The following ACVR2B variants were observed in gnomAD, a reference collection of about 807,000 sequenced individuals.
ACVR2B encodes the protein activin A receptor type 2B, also known as activin receptor type-2B.
ACVR2B carries 18 observed loss-of-function variants against 65.1 expected under a neutral mutation model. The observed-to-expected ratio is 0.28, with a 90% CI of 0.19 to 0.41. The LOEUF is 0.41. Ranked by LOEUF, ACVR2B falls within the 10% of genes least tolerant of loss-of-function variation. The pLI is 1.00. For synonymous variants in ACVR2B, 298 were observed against 277.7 expected (o/e 1.07, Z -0.73); for missense variants, 482 against 682.7 (o/e 0.71, Z 3.28).
At position 38,492,786 on chromosome 3, in the gene ACVR2B, A is replaced by C. The variant is rs1186907984; in HGVS notation, c.*9454A>C. Reference sequence around the variant, plus strand: ...CACACACACACACACACACACACACACACACACACACACACACATACACCT... The same window carrying C: ...CACACACACACACACACACACACACCCACACACACACACACACATACACCT... On this transcript the variant is annotated 3_prime_UTR_variant, in exon 11 of 11. Coordinates refer to ENST00000352511, the MANE Select transcript of ACVR2B (RefSeq NM_001106.4). The C allele has an allele frequency of 1.0e-5, 1 of 96,488 alleles. No homozygotes were observed. Among genetic ancestry groups the C allele is most frequent in the Non-Finnish European group, 2.1e-5 (1 of 47,168 alleles). 6.0% of individuals were successfully genotyped at this position (96,488 alleles called of 1,614,324 possible).
rs553358455 is a variant in ACVR2B, at chr3:38,492,353, A to G, written c.*9021A>G. 3 of 152,740 alleles carry G rather than the reference A, an allele frequency of 2.0e-5. No homozygotes were observed. Among genetic ancestry groups the G allele is most frequent in the Admixed American group, 2.0e-4 (3 of 15,300 alleles). The allele number at this position is 152,740 out of a possible 1,614,324, so 9.5% of individuals were successfully genotyped here. ...AACTTGTATATAAAAATTGTAATTA[A>G]AAGTTTGGGTTCACCTGTTTCTCAC... On this transcript the variant is annotated 3_prime_UTR_variant, in exon 11 of 11. Transcript: ENST00000352511.
Position 38,479,793 on chromosome 3 carries a change from G to A in ACVR2B, c.926G>A (p.Arg309His), listed in dbSNP as rs138692827. 32 of 1,614,244 alleles carry A rather than the reference G, an allele frequency of 2.0e-5. No individual in the cohort carries two copies. The African/African-American group carries it at 2.5e-4, about 13-fold the overall frequency. ...SYLHEDVPWC[R>H]GEGHKPSIAH... ...CTGCATGAGGATGTGCCCTGGTGCC[G>A]TGGCGAGGGCCACAAGCCGTCTATT... Residue 309 changes from arginine (R) to histidine (H), a missense_variant, in exon 7 of 11, where the codon CGT (arginine) becomes CAT (histidine). Physicochemically the swap from Arg to His is conservative, Grantham distance 29 (BLOSUM62 0). Around this residue, in one of 5 missense-constraint regions of ACVR2B, gnomAD observed 223 missense variants for 386.3 expected, o/e 0.58. Transcript: ENST00000352511.
Position 38,477,087 on chromosome 3 carries a change from G to T in ACVR2B, c.53-200G>T. The T allele has an allele frequency of 1.6e-6, 1 of 620,798 alleles. No individual in the cohort carries two copies. Among genetic ancestry groups the T allele is most frequent in the Non-Finnish European group, 2.8e-6 (1 of 351,632 alleles). The allele number at this position is 620,798 out of a possible 1,614,324, so 38.5% of individuals were successfully genotyped here. A position where few individuals can be genotyped will look rare whatever the true frequency, so the allele number is the denominator to read the frequency against. On this transcript the variant is annotated intron_variant, in intron 1 of 10. Coordinates refer to ENST00000352511, the MANE Select transcript of ACVR2B (RefSeq NM_001106.4). The surrounding 1 kb of genome is among the most constrained non-coding windows in gnomAD (Gnocchi z 6.7). ...GGGCTGCAGAATGAGGTGGGGGCTG[G>T]TGCCAGCTGGCACACGTAAATTAAG...
In ACVR2B at chr3:38,486,401, G is replaced by C. The variant is rs1290198478; in HGVS notation, c.*3069G>C. 6.6e-6 allele frequency: 1 copy of C among 152,262 alleles called. No individual in the cohort carries two copies. The highest frequency in any genetic ancestry group is 6.5e-5 in the Admixed American group (1 of 15,280). The allele number at this position is 152,262 out of a possible 1,614,324, so 9.4% of individuals were successfully genotyped here. A position where few individuals can be genotyped will look rare whatever the true frequency, so the allele number is the denominator to read the frequency against. ...GGCATGGGTCTAGGAGCACAGATGG[G>C]CCTTTTGCCCCGGGTAAATGCTTGT... On this transcript the variant is annotated 3_prime_UTR_variant, in exon 11 of 11. Coordinates refer to ENST00000352511, the MANE Select transcript of ACVR2B (RefSeq NM_001106.4).
Position 38,478,266 on chromosome 3 carries a change from C to G in ACVR2B, c.496C>G (p.Pro166Ala). Residue 166 changes from proline (P) to alanine (A), a missense_variant, in exon 4 of 11, where the codon CCC becomes GCC. By Grantham distance (27) the Pro-to-Ala change is conservative. Transcript: ENST00000352511. ...TTGGATGTACCGGCATCGCAAGCCC[C>G]CCTACGGTCATGTGGACATCCATGA... ...AFWMYRHRKPPYGHVDIHEDP... is the reference protein window; with the variant it reads ...AFWMYRHRKPAYGHVDIHEDP... The G allele has an allele frequency of 6.2e-7, 1 of 1,614,068 alleles. No individual in the cohort carries two copies. Among genetic ancestry groups the G allele is most frequent in the African/African-American group, 1.3e-5 (1 of 74,994 alleles).
chr3:38,459,566 G>C (rs897468575), intron 1 of ACVR2B: 8 of 985,134 alleles, frequency 8.1e-6, no homozygotes, highest in Non-Finnish European at 9.6e-6. Context: ...GTTGTAGCAG[G>C]CCGTGGGCAT....
Position 38,477,830 on chromosome 3 carries a change from G to A in ACVR2B, c.261-31G>A, listed in dbSNP as rs373891652. 1.0e-4 allele frequency: 161 copies of A among 1,606,616 alleles called. No homozygotes were observed. Among genetic ancestry groups the A allele is most frequent in the Non-Finnish European group, 1.1e-4 (131 of 1,173,426 alleles). Reference sequence around the variant, plus strand: ...TGGGGGAGTCTTGCATCCCCCAGGTGAGGGGTATATGGAAAATTCTGTGCC... The same window carrying A: ...TGGGGGAGTCTTGCATCCCCCAGGTAAGGGGTATATGGAAAATTCTGTGCC... On this transcript the variant is annotated intron_variant, in intron 2 of 10. Coordinates refer to ENST00000352511, the MANE Select transcript of ACVR2B (RefSeq NM_001106.4). The surrounding 1 kb of genome is among the most constrained non-coding windows in gnomAD (Gnocchi z 6.7).
chr3:38,454,225 G>T lies in ACVR2B; in HGVS notation c.-98G>T. ...GGAACGAGACCGAAGGAAGGAGCGGGAAGGAGAGCGCAGCCGCCGCCTGGC... is the reference window on the plus strand; with the variant it reads ...GGAACGAGACCGAAGGAAGGAGCGGTAAGGAGAGCGCAGCCGCCGCCTGGC... On this transcript the variant is annotated 5_prime_UTR_variant, in exon 1 of 11. Coordinates refer to ENST00000352511, the MANE Select transcript of ACVR2B (RefSeq NM_001106.4). 3.4e-6 allele frequency: 3 copies of T among 895,020 alleles called. No homozygotes were observed. The highest frequency in any genetic ancestry group is 4.3e-6 in the Non-Finnish European group (3 of 703,262). 55.4% of individuals were successfully genotyped at this position (895,020 alleles called of 1,614,324 possible). A position where few individuals can be genotyped will look rare whatever the true frequency, so the allele number is the denominator to read the frequency against.
At chr3:38,467,371 A>G (rs937689319) in intron 1 of ACVR2B, among the ~76,000 whole-genome samples, 2 of 151,720 alleles carry the variant, frequency 1.3e-5, no homozygotes, top group South Asian at 2.1e-4. Flanking sequence ...CGAACATGGG[A>G]GGCGGAAGTT....
chr3:38,455,151 T>C (rs1709525001), intron 1 of ACVR2B, among the ~76,000 whole-genome samples: 1 of 151,990 alleles, frequency 6.6e-6, no homozygotes. Flanking sequence ...GCATGTGTGT[T>C]TGGGGGTATG....
Position 38,492,860 on chromosome 3 carries a change from A to G in ACVR2B, c.*9528A>G, listed in dbSNP as rs2059824533. 1 of 151,994 alleles carries G rather than the reference A, an allele frequency of 6.6e-6. No individual in the cohort carries two copies. The highest frequency in any genetic ancestry group is 1.5e-5 in the Non-Finnish European group (1 of 67,964). The allele number at this position is 151,994 out of a possible 1,614,324, so 9.4% of individuals were successfully genotyped here. A position where few individuals can be genotyped will look rare whatever the true frequency, so the allele number is the denominator to read the frequency against. Reference sequence around the variant, plus strand: ...ATGTAATTACAGTTGCAAAATGAAAACATTTTGGAAAGAACATTGTATCAT... The same window carrying G: ...ATGTAATTACAGTTGCAAAATGAAAGCATTTTGGAAAGAACATTGTATCAT... On this transcript the variant is annotated 3_prime_UTR_variant, in exon 11 of 11. Coordinates refer to ENST00000352511, the MANE Select transcript of ACVR2B (RefSeq NM_001106.4).
At chr3:38,464,381 A>G (rs1462416340) in intron 1 of ACVR2B, among the ~76,000 whole-genome samples, 1 of 152,240 alleles carries the variant, frequency 6.6e-6, no homozygotes, top group Non-Finnish European at 1.5e-5. Context: ...AAATATGTCT[A>G]AAAGCTGGGT....
rs1164375998 is a variant in ACVR2B at position 38,492,087 on chromosome 3, AAC to A, written c.*8759_*8760del. On this transcript the variant is annotated 3_prime_UTR_variant, in exon 11 of 11. Coordinates refer to ENST00000352511, the MANE Select transcript of ACVR2B (RefSeq NM_001106.4). Reference sequence around the variant, plus strand: ...CTTATGAAAAGAGCTTTCTGCATGTAACACATACGGTTAAAGAACACAGCAAA... The same window carrying A: ...CTTATGAAAAGAGCTTTCTGCATGTAACATACGGTTAAAGAACACAGCAAA... 1 of 152,352 alleles carries A rather than the reference AAC, an allele frequency of 6.6e-6. No individual in the cohort carries two copies. Among genetic ancestry groups the A allele is most frequent in the African/African-American group, 2.4e-5 (1 of 41,470 alleles). 9.4% of individuals were successfully genotyped at this position (152,352 alleles called of 1,614,324 possible). A position where few individuals can be genotyped will look rare whatever the true frequency, so the allele number is the denominator to read the frequency against.
Position 38,492,908 on chromosome 3 carries a change from C to G in ACVR2B, c.*9576C>G, listed in dbSNP as rs2059824735. ...CATAGTTCATTCATTTGCAGTGGAT[C>G]TTTGTTCCTTTTTACTGTGGTAATT... On this transcript the variant is annotated 3_prime_UTR_variant, in exon 11 of 11. Coordinates refer to ENST00000352511, the MANE Select transcript of ACVR2B (RefSeq NM_001106.4). The G allele has an allele frequency of 6.6e-6, 1 of 152,332 alleles. No homozygotes were observed. Among genetic ancestry groups the G allele is most frequent in the Non-Finnish European group, 1.5e-5 (1 of 68,016 alleles). The allele number at this position is 152,332 out of a possible 1,614,324, so 9.4% of individuals were successfully genotyped here. A position where few individuals can be genotyped will look rare whatever the true frequency, so the allele number is the denominator to read the frequency against.
chr3:38,477,600 A>G lies in ACVR2B; in HGVS notation c.260+106A>G. 1 of 1,352,394 alleles carries G rather than the reference A, an allele frequency of 7.4e-7. No homozygotes were observed. The highest frequency in any genetic ancestry group is 1.0e-6 in the Non-Finnish European group (1 of 964,806). 83.8% of individuals were successfully genotyped at this position (1,352,394 alleles called of 1,614,324 possible). A position where few individuals can be genotyped will look rare whatever the true frequency, so the allele number is the denominator to read the frequency against. The stretch of plus-strand genomic sequence containing the variant: ...TCTGAGTGGGAGATAAAGGACCAAG[A>G]AGGGGCTCTTGAGATGGTAGCCATG... On this transcript the variant is annotated intron_variant, in intron 2 of 10. Transcript: ENST00000352511. This position sits in a 1 kb window ranked among gnomAD's most constrained non-coding sequence, Gnocchi z 6.7.
chr3:38,466,267 A>C (rs2125715679), intron 1 of ACVR2B, among the ~76,000 whole-genome samples: 1 of 152,312 alleles, frequency 6.6e-6, no homozygotes, highest in African/African-American at 2.4e-5. Context: ...AATTACATTT[A>C]AAGGAAAAAA....
chr3:38,482,868 C>T (rs1208060492), intron 10 of ACVR2B, among the ~76,000 whole-genome samples: 1 of 152,152 alleles, frequency 6.6e-6, no homozygotes, highest in Non-Finnish European at 1.5e-5. Context: ...CTTGGTGTCT[C>T]CTTCTCCCTC....
chr3:38,462,603 T>C (rs1477807570), intron 1 of ACVR2B, among the ~76,000 whole-genome samples: 3 of 152,246 alleles, frequency 2.0e-5, no homozygotes, highest in Admixed American at 1.3e-4. Context: ...ATGTTGGATG[T>C]CATGGCTTTT....
At chr3:38,465,408 A>G (rs905936362) in intron 1 of ACVR2B, among the ~76,000 whole-genome samples, 18 of 151,808 alleles carry the variant, frequency 1.2e-4, no homozygotes, top group African/African-American at 4.4e-4. Flanking sequence ...AAAAAAAAAA[A>G]AAAAAAAAAA....
Sources: allele counts gnomAD v4.1 joint callset (sites outside exome capture counted in the v4.1 genomes callset), GRCh38; gene constraint gnomAD v4.1.1; regional missense constraint gnomAD v4.1.1; non-coding constraint Gnocchi (gnomAD v3.1); transcripts MANE v1.5; gene names NCBI Gene and HGNC (gene_info 2026-07-23, HGNC 2026-07-21).